Variants in INSRR observed in about 807,000 individuals in gnomAD.
INSRR encodes the protein insulin receptor-related protein.
In INSRR, 114 loss-of-function variants were observed where a neutral mutation model predicts 130.0. That is an observed-to-expected ratio of 0.88 (90% CI 0.75 to 1.02). The LOEUF is 1.02. Among genes scored for constraint, INSRR ranks in the 50% least tolerant of loss-of-function variants. INSRR has a pLI of 0.00. For missense variants in INSRR, 1,657 were observed against 1,735.2 expected, an observed-to-expected ratio of 0.95 and a Z score of 0.80; for synonymous variants, 674 against 705.2, an observed-to-expected ratio of 0.96 and a Z score of 0.70.
rs748525262 is a variant in INSRR at position 156,844,575 on chromosome 1, C to T, written c.2624G>A (p.Gly875Glu). The change falls in exon 14 of 22, where the codon GGA becomes GAA. Residue 875 changes from glycine to glutamate, a missense_variant. Gly to Glu is a moderately conservative substitution (Grantham distance 98). Coordinates refer to ENST00000368195, the MANE Select transcript of INSRR (RefSeq NM_014215.3). ...VSRLRYAKFG[G>E]VHLALLPPGN... ...AGGGGGCAGCAGGGCCAGGTGGACT[C>T]CCCCAAACTTCGCATATCGAAGACG... is the stretch of plus-strand genomic sequence containing the variant. The T allele has an allele frequency of 6.2e-7, 1 of 1,614,132 alleles. No individual in the cohort carries two copies. The highest frequency in any genetic ancestry group is 8.5e-7 in the Non-Finnish European group (1 of 1,180,010).
intron 1 of INSRR, among the ~76,000 whole-genome samples, chr1:156,857,587 G>A (rs1299212075): frequency 6.6e-6 from 1 of 152,054 alleles, no homozygotes; most frequent in African/African-American, 2.4e-5. Context: ...CGGTGGTCGG[G>A]GGAGTGGTGC....
chr1:156,844,199 A>G lies in INSRR; in HGVS notation c.2819T>C (p.Leu940Pro). The G allele has an allele frequency of 6.2e-7, 1 of 1,613,858 alleles. No individual in the cohort carries two copies. Among genetic ancestry groups the G allele is most frequent in the South Asian group, 1.1e-5 (1 of 91,074 alleles). The change falls in exon 15 of 22, where the codon CTT becomes CCT. Residue 940 changes from leucine (L) to proline (P), a missense_variant. Physicochemically the swap from Leu to Pro is moderately conservative, Grantham distance 98 (BLOSUM62 -3). Transcript: ENST00000368195. Reference protein sequence around the residue: ...GLTLLIVLAALGFFYGKKRNR... With the variant: ...GLTLLIVLAAPGFFYGKKRNR... ...CCTCTTCTTGCCGTAGAAGAAACCA[A>G]GGGCAGCAAGAACGATGAGCAGCGT... is the stretch of plus-strand genomic sequence containing the variant.
chr1:156,841,226 G>A, intron 21 of INSRR, 122 bp from the exon 22 acceptor site: 1 of 980,192 alleles, frequency 1.0e-6, no homozygotes, highest in Non-Finnish European at 1.6e-6. Flanking sequence ...GGGAGGGTGA[G>A]AAGGGATTAA....
chr1:156,851,336 A>G lies in INSRR; in HGVS notation c.1183T>C (p.Phe395Leu), dbSNP rs767368027. ...CGGATTAGTTTGAGGTTCTTGAAAA[A>G]GCCCAGGGACACGAGGGCAAAGGAG... ...KHSFALVSLGFFKNLKLIRGD... is the reference protein window; with the variant it reads ...KHSFALVSLGLFKNLKLIRGD... Residue 395 changes from phenylalanine (F) to leucine (L), a missense_variant, in exon 5 of 22, where the codon TTT (phenylalanine) becomes CTT (leucine). Phe to Leu is a conservative substitution (Grantham distance 22). Transcript: ENST00000368195. 1.2e-6 allele frequency: 2 copies of G among 1,614,056 alleles called. No individual in the cohort carries two copies. Among genetic ancestry groups the G allele is most frequent in the Non-Finnish European group, 1.7e-6 (2 of 1,180,030 alleles).
Position 156,858,836 on chromosome 1 carries a change from A to T in INSRR, c.-215T>A. On this transcript the variant is annotated 5_prime_UTR_variant, in exon 1 of 22. Coordinates refer to ENST00000368195, the MANE Select transcript of INSRR (RefSeq NM_014215.3). ...CAAAGACAGTGACAGGCAGTTGGAG[A>T]CAGAGAGACTCAGCATGAGATTGAG... The T allele has an allele frequency of 1.7e-6, 1 of 588,388 alleles. No homozygotes were observed. Among genetic ancestry groups the T allele is most frequent in the Non-Finnish European group, 3.0e-6 (1 of 328,488 alleles). The allele number at this position is 588,388 out of a possible 1,614,324, so 36.4% of individuals were successfully genotyped here.
chr1:156,858,415 A>C lies in INSRR; in HGVS notation c.85+122T>G. ...TGCTGGGCAGTTCTCCTGAGCGCTA[A>C]CCCCAACCCCCATGTTCCAGTGCAG... On this transcript the variant is annotated intron_variant, in intron 1 of 21. Coordinates refer to ENST00000368195, the MANE Select transcript of INSRR (RefSeq NM_014215.3). The C allele has an allele frequency of 5.2e-6, 4 of 761,922 alleles. No homozygotes were observed. The Admixed American group carries it at 5.9e-5, about 11-fold the overall frequency. The allele number at this position is 761,922 out of a possible 1,614,324, so 47.2% of individuals were successfully genotyped here.
chr1:156,858,458 T>C, intron 1 of INSRR, 79 bp downstream of exon 1: 18 of 1,029,006 alleles, frequency 1.7e-5, no homozygotes, highest in Non-Finnish European at 2.6e-5. Context: ...GGAGGTGCTG[T>C]GGCTGCAAGC....
In INSRR at chr1:156,846,772, CCA is replaced by C; in HGVS notation, c.1572-17_1572-16del. On this transcript the variant is annotated splice_polypyrimidine_tract_variant and intron_variant, in intron 7 of 21. Transcript: ENST00000368195. ...TCTGGAATGGGCTGAACACCCATCC[CCA>C]GAGCTGAGGGGTCATTCAACCCCAC... The C allele has an allele frequency of 6.2e-7, 1 of 1,604,002 alleles. No homozygotes were observed. The highest frequency in any genetic ancestry group is 2.2e-5 in the East Asian group (1 of 44,812).
rs893394120 is a variant in INSRR, at chr1:156,840,520, T to A, written c.*353A>T. 3 of 307,506 alleles carry A rather than the reference T, an allele frequency of 9.8e-6. No individual in the cohort carries two copies. The highest frequency in any genetic ancestry group is 4.5e-5 in the Admixed American group (1 of 22,202). 19.0% of individuals were successfully genotyped at this position (307,506 alleles called of 1,614,324 possible). A position where few individuals can be genotyped will look rare whatever the true frequency, so the allele number is the denominator to read the frequency against. The stretch of plus-strand genomic sequence containing the variant: ...TCAAACATGTCGCTGGCCCTACCTG[T>A]CCAGAGGAGACCCCAAACTGAGGGG... On this transcript the variant is annotated 3_prime_UTR_variant, in exon 22 of 22. Transcript: ENST00000368195.
Position 156,848,901 on chromosome 1 carries a change from G to C in INSRR, c.1571+20C>G. 1 of 1,552,550 alleles carries C rather than the reference G, an allele frequency of 6.4e-7. No homozygotes were observed. Among genetic ancestry groups the C allele is most frequent in the Non-Finnish European group, 8.7e-7 (1 of 1,147,922 alleles). On this transcript the variant is annotated intron_variant, in intron 7 of 21. Transcript: ENST00000368195. The stretch of plus-strand genomic sequence containing the variant: ...CTCGTCCGGTCCCGCCCCCGCTCCG[G>C]CCCCGCCCCCGGCACTCACGACTCC...
At position 156,840,564 on chromosome 1, in the gene INSRR, C is replaced by T. The variant is rs941663718; in HGVS notation, c.*309G>A. On this transcript the variant is annotated 3_prime_UTR_variant, in exon 22 of 22. Transcript: ENST00000368195. ...TGAGGGGCAGGGCCTCTAGGGTGGGCGGGCCCCCTCTTCCTAGTCTGAGTG... is the reference window on the plus strand; with the variant it reads ...TGAGGGGCAGGGCCTCTAGGGTGGGTGGGCCCCCTCTTCCTAGTCTGAGTG... 9 of 409,476 alleles carry T rather than the reference C, an allele frequency of 2.2e-5. No individual in the cohort carries two copies. Among genetic ancestry groups the T allele is most frequent in the South Asian group, 1.1e-4 (4 of 36,256 alleles). The allele number at this position is 409,476 out of a possible 1,614,324, so 25.4% of individuals were successfully genotyped here.
At position 156,854,497 on chromosome 1, in the gene INSRR, G is replaced by A. The variant is rs1246859930; in HGVS notation, c.86-194C>T. On this transcript the variant is annotated intron_variant, in intron 1 of 21. Transcript: ENST00000368195. The surrounding 1 kb of genome is among the most constrained non-coding windows in gnomAD (Gnocchi z 4.2). ...GCAGCCTGCAGGGTCTCTACCAGAT[G>A]AGCCACACAGGCAAAAATGAACTCC... Among the ~76,000 whole-genome samples the A allele has an allele frequency of 1.3e-5, 2 of 152,096 alleles. No homozygotes were observed. The highest frequency in any genetic ancestry group is 2.4e-5 in the African/African-American group (1 of 41,408).
chr1:156,849,104 C>T (rs1655113507), intron 6 of INSRR, 57 bp from the exon 7 acceptor site: 10 of 1,599,294 alleles, frequency 6.3e-6, no homozygotes, highest in South Asian at 1.1e-5. Flanking sequence ...TGAGCGCCCA[C>T]CCTGACCCCG....
chr1:156,842,848 C>CT (rs891601385), intron 17 of INSRR, among the ~76,000 whole-genome samples, 156 bp downstream of exon 17: 29 of 152,174 alleles, frequency 1.9e-4, no homozygotes, highest in African/African-American at 6.5e-4. Context: ...CTGTTTGACT[C>CT]TAACCCTAAC....
intron 20 of INSRR, 62 bp from the exon 21 acceptor site, chr1:156,841,590 G>T: frequency 6.2e-7 from 1 of 1,610,878 alleles, no homozygotes; most frequent in Non-Finnish European, 8.5e-7. Context: ...CATTCCAAGG[G>T]ATGGGGGTGT....
chr1:156,858,769 A>G lies in INSRR; in HGVS notation c.-148T>C, dbSNP rs561951801. ...GAGAGACAAGGAATCCCACACAGAGACAGCAGGAGACAGAAAAAAAGAAAT... is the reference window on the plus strand; with the variant it reads ...GAGAGACAAGGAATCCCACACAGAGGCAGCAGGAGACAGAAAAAAAGAAAT... On this transcript the variant is annotated 5_prime_UTR_variant, in exon 1 of 22. Coordinates refer to ENST00000368195, the MANE Select transcript of INSRR (RefSeq NM_014215.3). 1 of 644,616 alleles carries G rather than the reference A, an allele frequency of 1.6e-6. No homozygotes were observed. Among genetic ancestry groups the G allele is most frequent in the Non-Finnish European group, 2.8e-6 (1 of 361,184 alleles). 39.9% of individuals were successfully genotyped at this position (644,616 alleles called of 1,614,324 possible). A position where few individuals can be genotyped will look rare whatever the true frequency, so the allele number is the denominator to read the frequency against.
Position 156,854,365 on chromosome 1 carries a change from T to C in INSRR, c.86-62A>G. The C allele has an allele frequency of 1.4e-6, 2 of 1,479,430 alleles. No homozygotes were observed. Among genetic ancestry groups the C allele is most frequent in the South Asian group, 2.6e-5 (2 of 76,194 alleles). The allele number at this position is 1,479,430 out of a possible 1,614,324, so 91.6% of individuals were successfully genotyped here. ...CCAGGCCAAATTCCCCATCCAGCCC[T>C]GGCAGCTTTGGAGGGGAGCCACACT... On this transcript the variant is annotated intron_variant, in intron 1 of 21. Coordinates refer to ENST00000368195, the MANE Select transcript of INSRR (RefSeq NM_014215.3). This position sits in a 1 kb window ranked among gnomAD's most constrained non-coding sequence, Gnocchi z 4.2.
At chr1:156,845,002 T>A in intron 12 of INSRR, 74 bp downstream of exon 12, 1 of 1,535,624 alleles carries the variant, frequency 6.5e-7, no homozygotes, top group South Asian at 1.2e-5. Flanking sequence ...TAGCGAGAAG[T>A]CAAACCCCAA....
chr1:156,845,120 C>A lies in INSRR; in HGVS notation c.2393G>T (p.Gly798Val). 1 of 1,611,346 alleles carries A rather than the reference C, an allele frequency of 6.2e-7. No individual in the cohort carries two copies. Among genetic ancestry groups the A allele is most frequent in the East Asian group, 2.2e-5 (1 of 44,786 alleles). ...AAAGACGAAGGTGGCGGCGCTGCAG[C>A]CCACGGTGTGCGCCGCGTGGTTGCA... is the stretch of plus-strand genomic sequence containing the variant. Reference protein sequence around the residue: ...HACNHAAHTVGCSAATFVFAR... With the variant: ...HACNHAAHTVVCSAATFVFAR... The change falls in exon 12 of 22, where the codon GGC (glycine) becomes GTC (valine). Residue 798 changes from glycine (G) to valine (V), a missense_variant. Gly to Val is a moderately radical substitution (Grantham distance 109). Coordinates refer to ENST00000368195, the MANE Select transcript of INSRR (RefSeq NM_014215.3).
Sources: gnomAD v4.1 joint callset for allele counts (sites outside exome capture counted in the v4.1 genomes callset) on GRCh38, gnomAD v4.1.1 for gene constraint, Gnocchi (gnomAD v3.1) non-coding constraint, MANE v1.5 for transcripts, NCBI Gene and HGNC (gene_info 2026-07-23, HGNC 2026-07-21) for gene names.